TRPC4AP: variants seen among roughly 807,000 people sequenced by gnomAD.
TRPC4AP encodes the protein transient receptor potential cation channel subfamily C member 4 associated protein.
Under a neutral mutation model 99.0 loss-of-function variants are expected in TRPC4AP, and 45 were observed. That is an observed-to-expected ratio of 0.45 (90% CI 0.36 to 0.58). TRPC4AP has a LOEUF of 0.58. Ranked by LOEUF, TRPC4AP falls within the 20% of genes least tolerant of loss-of-function variation. The probability of loss-of-function intolerance (pLI) is 0.00; values close to 1 mark genes in which losing one functional copy is unlikely to be tolerated. For synonymous variants in TRPC4AP, 408 were observed against 385.8 expected (o/e 1.06, Z -0.67); for missense variants, 879 against 985.3 (o/e 0.89, Z 1.44).
intron 3 of TRPC4AP, among the ~76,000 whole-genome samples, chr20:35,061,963 T>C (rs2084019835): frequency 6.6e-6 from 1 of 152,008 alleles, no homozygotes; most frequent in Admixed American, 6.6e-5. Flanking sequence ...ATCCAGAAAC[T>C]AATACAACTC....
At chr20:35,051,646 C>T (rs2083703771) in intron 5 of TRPC4AP, among the ~76,000 whole-genome samples, 1 of 151,280 alleles carries the variant, frequency 6.6e-6, no homozygotes, top group South Asian at 2.1e-4. Flanking sequence ...TTGTTATTCC[C>T]GAACTACATA....
At position 35,035,150 on chromosome 20, in the gene TRPC4AP, C is replaced by T. The variant is rs773152037; in HGVS notation, c.1024G>A (p.Ala342Thr). 6.2e-7 allele frequency: 1 copy of T among 1,613,882 alleles called. No homozygotes were observed. The highest frequency in any genetic ancestry group is 2.2e-5 in the East Asian group (1 of 44,868). Residue 342 changes from alanine to threonine, a missense_variant, in exon 8 of 19, where the codon GCC becomes ACC. Physicochemically the swap from Ala to Thr is moderately conservative, Grantham distance 58. Transcript: ENST00000252015. ...ALVLDALMRV[A>T]NEESEHNQAS... is the part of the protein sequence containing the mutation. ...TGATTGTGCTCTGACTCCTCATTGG[C>T]CACTCGCATCAGGGCATCTAGCACC...
intron 8 of TRPC4AP, among the ~76,000 whole-genome samples, chr20:35,022,307 C>T (rs532028730): frequency 6.6e-6 from 1 of 152,342 alleles, no homozygotes; most frequent in African/African-American, 2.4e-5. Context: ...AGGCATGTGC[C>T]ACCACGCCCA....
Position 35,007,685 on chromosome 20 carries a change from C to T in TRPC4AP, c.1596-45G>A, listed in dbSNP as rs368992999. The T allele has an allele frequency of 1.9e-4, 300 of 1,597,084 alleles. 4 individuals carry two copies. In the Middle Eastern group the frequency reaches 2.8e-3, roughly 15 times the overall value. On this transcript the variant is annotated intron_variant, in intron 13 of 18. Coordinates refer to ENST00000252015, the MANE Select transcript of TRPC4AP (RefSeq NM_015638.3). Reference sequence around the variant, plus strand: ...TCAGGTGGCTAAGGCTGCCCTCTTCCGGCCCATGTTCAGTTCTCCAAGGGG... The same window carrying T: ...TCAGGTGGCTAAGGCTGCCCTCTTCTGGCCCATGTTCAGTTCTCCAAGGGG...
intron 12 of TRPC4AP, among the ~76,000 whole-genome samples, chr20:35,009,424 T>C (rs1185768806): frequency 6.6e-6 from 1 of 152,078 alleles, no homozygotes; most frequent in African/African-American, 2.4e-5. Context: ...GGAGGCTCAC[T>C]TGAGGCCAGG....
At chr20:35,069,933 TC>T (rs2084259789) in intron 2 of TRPC4AP, among the ~76,000 whole-genome samples, 1 of 151,874 alleles carries the variant, frequency 6.6e-6, no homozygotes, top group Non-Finnish European at 1.5e-5. Context: ...AGAGGGAGAC[TC>T]TGTCATTAAA....
At chr20:35,008,640 G>T in intron 13 of TRPC4AP, 24 bp downstream of exon 13, 2 of 1,606,680 alleles carry the variant, frequency 1.2e-6, no homozygotes, top group South Asian at 2.2e-5. Flanking sequence ...CGCAGAATCG[G>T]CAGGTACTTT....
At chr20:35,006,219 C>A (rs1569077348) in intron 15 of TRPC4AP, among the ~76,000 whole-genome samples, 1 of 152,134 alleles carries the variant, frequency 6.6e-6, no homozygotes, top group African/African-American at 2.4e-5. Context: ...CCCACCCTCA[C>A]TCCCTACCCA....
chr20:35,080,363 T>C (rs897486210), intron 1 of TRPC4AP, among the ~76,000 whole-genome samples: 2 of 151,164 alleles, frequency 1.3e-5, no homozygotes, highest in Admixed American at 6.6e-5. Context: ...TAGCCGGATG[T>C]AGTGGCACAT....
intron 10 of TRPC4AP, among the ~76,000 whole-genome samples, chr20:35,013,332 C>A (rs879371308): frequency 5.3e-5 from 8 of 152,158 alleles, no homozygotes; most frequent in Non-Finnish European, 1.0e-4. Context: ...GTAATCACAG[C>A]ACTTTGGGAG....
intron 8 of TRPC4AP, among the ~76,000 whole-genome samples, chr20:35,034,907 C>A (rs2083284394): frequency 6.6e-6 from 1 of 152,178 alleles, no homozygotes. Context: ...TGCAACAAAG[C>A]CCTTCTCCCT....
rs117110721 is a variant in TRPC4AP at position 35,051,011 on chromosome 20, A to G, written c.529-1017T>C. Among the ~76,000 whole-genome samples the G allele has an allele frequency of 6.1e-3, 920 of 149,808 alleles. 33 individuals are homozygous for G. In the East Asian group the frequency reaches 0.091, roughly 15 times the overall value. On this transcript the variant is annotated intron_variant, in intron 5 of 18. Coordinates refer to ENST00000252015, the MANE Select transcript of TRPC4AP (RefSeq NM_015638.3). ...TGAAACCCTATCTCTAAAAAGAAAGAAACTGCAGTACTGCTATAGCTTACA... is the reference window on the plus strand; with the variant it reads ...TGAAACCCTATCTCTAAAAAGAAAGGAACTGCAGTACTGCTATAGCTTACA...
chr20:35,009,229 G>C (rs1009310057), intron 12 of TRPC4AP, among the ~76,000 whole-genome samples: 1 of 152,218 alleles, frequency 6.6e-6, no homozygotes, highest in African/African-American at 2.4e-5. Flanking sequence ...CCGTCATGGG[G>C]GAAGGAAGAC....
Position 35,003,194 on chromosome 20 carries a change from G to GT in TRPC4AP, c.2345dup (p.Tyr782Ter). Reference sequence around the variant, plus strand: ...CTATGTCCATGTAGGGCTCCTCAATGTAGCTAACGAGAGCAGAGGGTGACT... The same window carrying GT: ...CTATGTCCATGTAGGGCTCCTCAATGTTAGCTAACGAGAGCAGAGGGTGACT... The part of the protein sequence containing the change: ...DRQSPSALVS[Y>*]IEEPYMDIDR... The change falls in exon 19 of 19, where the codon TAC becomes TAAC. Residue 782 changes from tyrosine (Y) to a stop codon, truncating the protein, a stop_gained and frameshift_variant. Coordinates refer to ENST00000252015, the MANE Select transcript of TRPC4AP (RefSeq NM_015638.3). LOFTEE classifies it high-confidence loss of function. 1 of 1,614,224 alleles carries GT rather than the reference G, an allele frequency of 6.2e-7. No homozygotes were observed. The highest frequency in any genetic ancestry group is 2.2e-5 in the East Asian group (1 of 44,876).
At chr20:35,004,996 C>T (rs1482055792) in intron 16 of TRPC4AP, among the ~76,000 whole-genome samples, 2 of 152,138 alleles carry the variant, frequency 1.3e-5, no homozygotes, top group Non-Finnish European at 2.9e-5. Flanking sequence ...CAGGTGAGTC[C>T]GGCCCAGTGC....
intron 6 of TRPC4AP, among the ~76,000 whole-genome samples, chr20:35,047,686 A>C (rs1003861786): frequency 2.6e-5 from 4 of 152,222 alleles, no homozygotes; most frequent in Admixed American, 2.6e-4. Flanking sequence ...TGTATATAGA[A>C]ATGTCAAACA....
At chr20:35,037,260 T>C (rs1361368557) in intron 7 of TRPC4AP, among the ~76,000 whole-genome samples, 1 of 140,584 alleles carries the variant, frequency 7.1e-6, no homozygotes, top group East Asian at 2.1e-4. Flanking sequence ...GGCAGGAGAA[T>C]GGCGTGAACC....
At chr20:35,086,509 G>A (rs11699584) in intron 1 of TRPC4AP, among the ~76,000 whole-genome samples, 27,994 of 68,296 alleles carry the variant, frequency 0.41, 6,844 homozygotes, top group Admixed American at 0.56. Flanking sequence ...GTATATATAT[G>A]TGTGTGTGTG....
At chr20:35,045,897 G>A (rs867374001) in intron 6 of TRPC4AP, among the ~76,000 whole-genome samples, 1 of 152,042 alleles carries the variant, frequency 6.6e-6, no homozygotes, top group Non-Finnish European at 1.5e-5. Flanking sequence ...TGGAACTCCT[G>A]GACTCAAGCA....
Sources: allele counts gnomAD v4.1 joint callset (sites outside exome capture counted in the v4.1 genomes callset), GRCh38; gene constraint gnomAD v4.1.1; transcripts MANE v1.5; gene names NCBI Gene and HGNC (gene_info 2026-07-23, HGNC 2026-07-21).